The following PKHD1 variants were observed in gnomAD, a reference collection of about 807,000 sequenced individuals.
PKHD1 encodes the protein fibrocystin.
In PKHD1, 291 loss-of-function variants were observed where a neutral mutation model predicts 412.0. The observed-to-expected ratio is 0.71, with a 90% CI of 0.64 to 0.78. The LOEUF (loss-of-function observed/expected upper bound fraction) is 0.78. Among genes scored for constraint, PKHD1 ranks in the 30% least tolerant of loss-of-function variants. The probability of loss-of-function intolerance (pLI) is 0.00; values close to 1 mark genes in which losing one functional copy is unlikely to be tolerated. For synonymous variants in PKHD1, 1,777 were observed against 1,821.5 expected (o/e 0.98, Z 0.62); for missense variants, 4,825 against 4,950.7 (o/e 0.97, Z 0.76).
rs1196312109 is a variant in PKHD1, at chr6:51,616,123, T to A, written c.*2958A>T. 6.6e-6 allele frequency: 1 copy of A among 152,260 alleles called. No homozygotes were observed. The highest frequency in any genetic ancestry group is 1.5e-5 in the Non-Finnish European group (1 of 68,074). 9.4% of individuals were successfully genotyped at this position (152,260 alleles called of 1,614,324 possible). The stretch of plus-strand genomic sequence containing the variant: ...ACAACTCGATAGTTTGAAATATGTA[T>A]ACATTGTGGAATGGATCAGTTGAAC... On this transcript the variant is annotated 3_prime_UTR_variant, in exon 67 of 67. Transcript: ENST00000371117.
intron 27 of PKHD1, among the ~76,000 whole-genome samples, chr6:52,042,566 C>T (rs1260862053): frequency 2.0e-5 from 3 of 152,156 alleles, no homozygotes; most frequent in African/African-American, 7.2e-5. Context: ...CCATGCTAGC[C>T]AAGTATCCCA....
At chr6:51,633,430 C>T (rs1465439122) in intron 64 of PKHD1, among the ~76,000 whole-genome samples, 1 of 152,140 alleles carries the variant, frequency 6.6e-6, no homozygotes, top group Non-Finnish European at 1.5e-5. Flanking sequence ...TTTTTAGCAG[C>T]TCTGTACATT....
chr6:51,659,580 G>C lies in PKHD1; in HGVS notation c.10546C>G (p.Pro3516Ala). The change falls in exon 61 of 67, where the codon CCA (proline) becomes GCA (alanine). Residue 3516 changes from proline (P) to alanine (A), a missense_variant. Transcript: ENST00000371117. ...GAAGCTGACTGAACCAGAGTGGGTG[G>C]AATAAAACTTTCCCCTAAGAAGACG... ...PHVFLGESFIPPTLVQSASLL... is the reference protein window; with the variant it reads ...PHVFLGESFIAPTLVQSASLL... 1 of 1,613,720 alleles carries C rather than the reference G, an allele frequency of 6.2e-7. No individual in the cohort carries two copies. Among genetic ancestry groups the C allele is most frequent in the Middle Eastern group, 1.6e-4 (1 of 6,062 alleles).
rs557437715 is a variant in PKHD1, at chr6:52,071,551, A to G, written c.603-481T>C. ...GGGCAACACACCCTGTCCAGAGTGA[A>G]GTAAAAATCCAGCAAAACATTGGGT... On this transcript the variant is annotated intron_variant, in intron 8 of 66. Transcript: ENST00000371117. Among the ~76,000 whole-genome samples, 162 of 152,164 alleles carry G rather than the reference A, an allele frequency of 1.1e-3. 1 individual carries two copies. Among genetic ancestry groups the G allele is most frequent in the Non-Finnish European group, 2.0e-3 (135 of 67,990 alleles).
Position 51,928,660 on chromosome 6 carries a change from G to GA in PKHD1, c.6121+5449dup, listed in dbSNP as rs141772082. Among the ~76,000 whole-genome samples the GA allele has an allele frequency of 9.6e-3, 1,457 of 152,112 alleles. 25 individuals are homozygous for GA. Among genetic ancestry groups the GA allele is most frequent in the African/African-American group, 0.032 (1,347 of 41,480 alleles). Reference sequence around the variant, plus strand: ...GGGAGGCCTCCCCTGGTTATTTTTTGAAAAGAATACAGTGTTCCTTTCTTT... The same window carrying GA: ...GGGAGGCCTCCCCTGGTTATTTTTTGAAAAAGAATACAGTGTTCCTTTCTTT... On this transcript the variant is annotated intron_variant, in intron 37 of 66. Transcript: ENST00000371117.
chr6:51,642,921 T>C (rs1033592386), intron 63 of PKHD1, among the ~76,000 whole-genome samples: 4 of 151,982 alleles, frequency 2.6e-5, no homozygotes, highest in East Asian at 1.9e-4. Context: ...GGAGGAGCAA[T>C]GTAAGGCATG....
chr6:51,756,629 T>C (rs1787055690), intron 55 of PKHD1, among the ~76,000 whole-genome samples: 1 of 152,188 alleles, frequency 6.6e-6, no homozygotes, highest in African/African-American at 2.4e-5. Context: ...TAAAATAATA[T>C]GCTCCATTTT....
intron 45 of PKHD1, among the ~76,000 whole-genome samples, chr6:51,883,875 A>G (rs987321953): frequency 6.6e-6 from 1 of 152,184 alleles, no homozygotes; most frequent in Non-Finnish European, 1.5e-5. Context: ...TACAAAAAAA[A>G]CTTGGGGCTG....
At chr6:51,820,386 CAAGCAT>C (rs943969696) in intron 52 of PKHD1, among the ~76,000 whole-genome samples, 1 of 152,160 alleles carries the variant, frequency 6.6e-6, no homozygotes, top group African/African-American at 2.4e-5. Context: ...GAAGGAGCAG[CAAGCAT>C]TTATAGGAAG....
chr6:51,719,927 TA>T (rs1781709451), intron 60 of PKHD1, among the ~76,000 whole-genome samples: 1 of 152,138 alleles, frequency 6.6e-6, no homozygotes, highest in South Asian at 2.1e-4. Context: ...AAGAAAGTCT[TA>T]AAAGAGATTT....
At chr6:51,842,642 T>C (rs903049789) in intron 50 of PKHD1, among the ~76,000 whole-genome samples, 1 of 152,196 alleles carries the variant, frequency 6.6e-6, no homozygotes, top group Non-Finnish European at 1.5e-5. Flanking sequence ...TCCTATTCTA[T>C]TTCTACAGGA....
At chr6:51,771,568 A>T (rs1354376783) in intron 55 of PKHD1, among the ~76,000 whole-genome samples, 1 of 152,036 alleles carries the variant, frequency 6.6e-6, no homozygotes, top group Non-Finnish European at 1.5e-5. Context: ...GCAATGAGCC[A>T]AGATTGTGCC....
intron 40 of PKHD1, among the ~76,000 whole-genome samples, chr6:51,907,825 A>G (rs1414906242): frequency 6.6e-6 from 1 of 152,164 alleles, no homozygotes; most frequent in Admixed American, 6.6e-5. Context: ...ATTTAAAGGT[A>G]ATAAATGTAT....
intron 43 of PKHD1, among the ~76,000 whole-genome samples, chr6:51,902,737 G>C (rs1781479320): frequency 6.6e-6 from 1 of 152,122 alleles, no homozygotes; most frequent in African/African-American, 2.4e-5. Flanking sequence ...GAAATGGCTT[G>C]CCACTACTCT....
At chr6:51,826,997 G>A (rs917783664) in intron 52 of PKHD1, among the ~76,000 whole-genome samples, 3 of 152,132 alleles carry the variant, frequency 2.0e-5, no homozygotes, top group Non-Finnish European at 2.9e-5. Flanking sequence ...TGTTCTACAC[G>A]TTTCCTTTAT....
At chr6:51,993,472 C>T (rs77855336) in intron 35 of PKHD1, among the ~76,000 whole-genome samples, 5,633 of 152,296 alleles carry the variant, frequency 0.037, 121 homozygotes, top group Non-Finnish European at 0.058. Context: ...GTGGGACAGG[C>T]AATCAGTGTC....
At chr6:51,807,224 C>G (rs1000520977) in intron 52 of PKHD1, among the ~76,000 whole-genome samples, 1 of 151,330 alleles carries the variant, frequency 6.6e-6, no homozygotes, top group African/African-American at 2.4e-5. Flanking sequence ...GTCAGGAGCT[C>G]GAGACTAGTC....
chr6:51,856,104 G>A, intron 48 of PKHD1, 34 bp from the exon 49 acceptor site: 1 of 1,305,518 alleles, frequency 7.7e-7, no homozygotes, highest in Non-Finnish European at 1.1e-6. Flanking sequence ...AAAATGGGTT[G>A]AGAGATTATT....
At position 51,871,641 on chromosome 6, in the gene PKHD1, T is replaced by G; in HGVS notation, c.7351-1002A>C. Among the ~76,000 whole-genome samples, 2 of 118,920 alleles carry G rather than the reference T, an allele frequency of 1.7e-5. 1 individual carries two copies. Among genetic ancestry groups the G allele is most frequent in the Non-Finnish European group, 4.2e-5 (2 of 47,892 alleles). The allele number at this position is 118,920 out of a possible 152,430, so 78.0% of individuals were successfully genotyped here. A position where few individuals can be genotyped will look rare whatever the true frequency, so the allele number is the denominator to read the frequency against. ...ACATGTGTTAAAGCTCATAGAACTG[T>G]ACATCAAAAAGTCAGTTTTGCTGTA... On this transcript the variant is annotated intron_variant, in intron 46 of 66. Coordinates refer to ENST00000371117, the MANE Select transcript of PKHD1 (RefSeq NM_138694.4).
Sources: allele counts gnomAD v4.1 joint callset (sites outside exome capture counted in the v4.1 genomes callset), GRCh38; gene constraint gnomAD v4.1.1; transcripts MANE v1.5; gene names NCBI Gene and HGNC (gene_info 2026-07-23, HGNC 2026-07-21).